The following IQCM variants were observed in gnomAD, a reference collection of about 807,000 sequenced individuals.
IQCM encodes IQ domain-containing protein M.
A neutral mutation model predicts 57.6 loss-of-function variants in IQCM; 45 were observed. The ratio of observed to expected loss-of-function variants is 0.78; its 90% CI spans 0.62 to 1.00. The LOEUF (loss-of-function observed/expected upper bound fraction) is 1.00, where lower values mean the gene tolerates loss of function less well. Ranked by LOEUF, IQCM falls within the 50% of genes least tolerant of loss-of-function variation. The probability of loss-of-function intolerance (pLI) is 0.00; values close to 1 mark genes in which losing one functional copy is unlikely to be tolerated. For missense variants in IQCM, 468 were observed against 511.6 expected, an observed-to-expected ratio of 0.91 and a Z score of 0.82; for synonymous variants, 148 against 158.9, an observed-to-expected ratio of 0.93 and a Z score of 0.51.
intron 12 of IQCM, among the ~76,000 whole-genome samples, chr4:149,462,602 C>A (rs1421836310): frequency 6.6e-6 from 1 of 152,124 alleles, no homozygotes; most frequent in Non-Finnish European, 1.5e-5. Context: ...GTTTGAATTC[C>A]TGTCTTTTCC....
At chr4:149,805,628 T>G (rs1399199386) in intron 2 of IQCM, among the ~76,000 whole-genome samples, 2 of 152,084 alleles carry the variant, frequency 1.3e-5, no homozygotes, top group Non-Finnish European at 2.9e-5. Context: ...ATTCTAAATT[T>G]TTTCATTACA....
At chr4:149,563,281 T>C (rs775908532) in intron 10 of IQCM, among the ~76,000 whole-genome samples, 1 of 152,160 alleles carries the variant, frequency 6.6e-6, no homozygotes, top group African/African-American at 2.4e-5. Context: ...TGCAAAGTTA[T>C]TTCAAAATAT....
chr4:149,592,013 T>C (rs1056016705), intron 8 of IQCM, among the ~76,000 whole-genome samples: 1 of 152,032 alleles, frequency 6.6e-6, no homozygotes, highest in African/African-American at 2.4e-5. Flanking sequence ...TTCTAGATCT[T>C]TGAGGAATCG....
intron 12 of IQCM, among the ~76,000 whole-genome samples, chr4:149,536,376 T>G (rs1262021527): frequency 1.3e-5 from 2 of 151,980 alleles, no homozygotes; most frequent in Non-Finnish European, 2.9e-5. Flanking sequence ...AGACACAGAC[T>G]TTCCCCTATT....
chr4:149,593,834 T>C (rs1289924657), intron 8 of IQCM, among the ~76,000 whole-genome samples: 2 of 152,146 alleles, frequency 1.3e-5, no homozygotes, highest in African/African-American at 4.8e-5. Context: ...ATAAGCTTTT[T>C]GATGTGCTGC....
At chr4:149,794,384 T>A (rs1772920290) in intron 2 of IQCM, among the ~76,000 whole-genome samples, 2 of 152,246 alleles carry the variant, frequency 1.3e-5, no homozygotes, top group African/African-American at 4.8e-5. Context: ...TATCTGCCTA[T>A]TACACAGTGT....
chr4:149,786,573 T>C (rs1019283360), intron 2 of IQCM, among the ~76,000 whole-genome samples: 7 of 151,928 alleles, frequency 4.6e-5, no homozygotes, highest in African/African-American at 1.5e-4. Context: ...AACAAACATA[T>C]GAAAAAAGCC....
chr4:149,443,437 A>G (rs1736169309), intron 12 of IQCM, among the ~76,000 whole-genome samples: 1 of 152,020 alleles, frequency 6.6e-6, no homozygotes, highest in African/African-American at 2.4e-5. Context: ...TAGATTTTCT[A>G]AAACAACATT....
intron 12 of IQCM, among the ~76,000 whole-genome samples, chr4:149,497,820 GT>G (rs1742829717): frequency 6.7e-6 from 1 of 150,130 alleles, no homozygotes; most frequent in Non-Finnish European, 1.5e-5. Context: ...TCAATTGCAA[GT>G]TTGTGTACTC....
intron 5 of IQCM, among the ~76,000 whole-genome samples, chr4:149,720,334 C>G (rs1765343303): frequency 6.6e-6 from 1 of 152,258 alleles, no homozygotes; most frequent in East Asian, 1.9e-4. Flanking sequence ...CTATTTATAA[C>G]ATACTATTAA....
At chr4:149,763,970 T>TA (rs1056156607) in intron 2 of IQCM, among the ~76,000 whole-genome samples, 20 of 151,144 alleles carry the variant, frequency 1.3e-4, no homozygotes, top group Middle Eastern at 3.4e-3. Flanking sequence ...AAGATGCATT[T>TA]AAAAAAAACA....
intron 13 of IQCM, among the ~76,000 whole-genome samples, chr4:149,376,323 A>AATAT (rs1432665476): frequency 6.6e-6 from 1 of 152,132 alleles, no homozygotes; most frequent in Admixed American, 6.6e-5. Context: ...GTATCAGACT[A>AATAT]ATATATAAAA....
chr4:149,695,529 C>G (rs752089684), intron 5 of IQCM, among the ~76,000 whole-genome samples: 1 of 152,086 alleles, frequency 6.6e-6, no homozygotes, highest in African/African-American at 2.4e-5. Flanking sequence ...AATGCAGACT[C>G]CCTTTTCAAG....
At chr4:149,413,543 C>T (rs956313339) in intron 13 of IQCM, among the ~76,000 whole-genome samples, 5 of 152,132 alleles carry the variant, frequency 3.3e-5, no homozygotes, top group Admixed American at 2.0e-4. Context: ...TAGGAGTACT[C>T]TTCTTCTGCA....
intron 5 of IQCM, among the ~76,000 whole-genome samples, chr4:149,715,486 T>G (rs572164869): frequency 1.7e-3 from 263 of 152,276 alleles, no homozygotes; most frequent in African/African-American, 5.2e-3. Context: ...GTCACAGTCC[T>G]GGCTTGGGGA....
chr4:149,707,650 T>C lies in IQCM; in HGVS notation c.386-21182A>G, dbSNP rs565212776. Among the ~76,000 whole-genome samples the C allele has an allele frequency of 1.5e-3, 228 of 152,120 alleles. 1 individual carries two copies. The highest frequency in any genetic ancestry group is 5.3e-3 in the African/African-American group (219 of 41,534). Reference sequence around the variant, plus strand: ...GTATGCAGCATCTACCTGAGCCCTCTATGTTGCTTCCAGTGGACTTGGGGG... The same window carrying C: ...GTATGCAGCATCTACCTGAGCCCTCCATGTTGCTTCCAGTGGACTTGGGGG... On this transcript the variant is annotated intron_variant, in intron 5 of 13. Transcript: ENST00000636793.
At chr4:149,554,706 CTT>C (rs35580641) in intron 10 of IQCM, among the ~76,000 whole-genome samples, 28 of 143,028 alleles carry the variant, frequency 2.0e-4, no homozygotes, top group Non-Finnish European at 1.8e-4. Context: ...TCTTTTCTTT[CTT>C]TTTTTTTTTG....
At chr4:149,732,007 C>T (rs1343423143) in intron 5 of IQCM, among the ~76,000 whole-genome samples, 1 of 152,102 alleles carries the variant, frequency 6.6e-6, no homozygotes, top group African/African-American at 2.4e-5. Context: ...CTAATTTAGG[C>T]CCTGTCATCT....
At chr4:149,574,682 T>C (rs977794255) in intron 9 of IQCM, among the ~76,000 whole-genome samples, 3 of 152,006 alleles carry the variant, frequency 2.0e-5, no homozygotes, top group African/African-American at 7.2e-5. Context: ...TTTCAACTGC[T>C]AATGCTTATA....
Sources: allele counts gnomAD v4.1 joint callset (sites outside exome capture counted in the v4.1 genomes callset), GRCh38; gene constraint gnomAD v4.1.1; transcripts MANE v1.5; gene names NCBI Gene and HGNC (gene_info 2026-07-23, HGNC 2026-07-21).